The following TAF6L variants were observed in gnomAD, a reference collection of about 807,000 sequenced individuals.
TAF6L encodes the protein TAF6-like RNA polymerase II p300/CBP-associated factor-associated factor 65 kDa subunit 6L.
In TAF6L, 34 loss-of-function variants were observed where a neutral mutation model predicts 57.3. The observed-to-expected ratio is 0.59, with a 90% confidence interval of 0.45 to 0.79. The LOEUF (loss-of-function observed/expected upper bound fraction) is 0.79. TAF6L is among the 30% of genes least tolerant of loss of function. TAF6L has a pLI of 0.00. For missense variants in TAF6L, 782 were observed against 853.2 expected (o/e 0.92, Z 1.04); for synonymous variants, 417 against 376.3 (o/e 1.11, Z -1.25).
intron 5 of TAF6L, 164 bp from the exon 6 acceptor site, chr11:62,778,705 T>TCAGGGCTGAG (rs2084204963): frequency 1.5e-6 from 1 of 657,940 alleles, no homozygotes; most frequent in Non-Finnish European, 2.7e-6. Flanking sequence ...GCCTAGATGG[T>TCAGGGCTGAG]CAGGGCTGAG....
chr11:62,777,911 C>T (rs1304170099), intron 3 of TAF6L, 67 bp from the exon 4 acceptor site: 1 of 1,572,118 alleles, frequency 6.4e-7, no homozygotes, highest in Non-Finnish European at 8.7e-7. Context: ...AGTGGAGCCT[C>T]ATCCTGGATC....
chr11:62,787,058 G>A lies in TAF6L; in HGVS notation c.1631G>A (p.Arg544His), dbSNP rs970249120. The stretch of plus-strand genomic sequence containing the variant: ...CAGCAGGGCCCCGGGACCGGCACCC[G>A]CGACGTTTTCCAGAAGAGCCGTTTC... ...PRQQGPGTGT[R>H]DVFQKSRFAP... Residue 544 changes from arginine (R) to histidine (H), a missense_variant, in exon 11 of 11, where the codon CGC becomes CAC. This residue lies in a region of TAF6L where 483 missense variants were observed against 445.1 expected (regional missense o/e 1.09). Coordinates refer to ENST00000294168, the MANE Select transcript of TAF6L (RefSeq NM_006473.4). 1.1e-5 allele frequency: 17 copies of A among 1,524,664 alleles called. No homozygotes were observed. In the Admixed American group the frequency reaches 1.4e-4, roughly 12 times the overall value. The allele number at this position is 1,524,664 out of a possible 1,614,324, so 94.4% of individuals were successfully genotyped here. A position where few individuals can be genotyped will look rare whatever the true frequency, so the allele number is the denominator to read the frequency against.
Position 62,787,082 on chromosome 11 carries a change from T to TCGCCCCGCGCGG in TAF6L, c.1664_1675dup (p.Arg555_Pro558dup). On this transcript the variant is annotated inframe_insertion, in exon 11 of 11. Coordinates refer to ENST00000294168, the MANE Select transcript of TAF6L (RefSeq NM_006473.4). ...CGCGACGTTTTCCAGAAGAGCCGTT[T>TCGCCCCGCGCGG]CGCCCCGCGCGGCGCCCCGCACTTT... is the stretch of plus-strand genomic sequence containing the variant. 1 of 1,536,212 alleles carries TCGCCCCGCGCGG rather than the reference T, an allele frequency of 6.5e-7. No homozygotes were observed. The highest frequency in any genetic ancestry group is 1.7e-4 in the Middle Eastern group (1 of 5,836).
Position 62,775,881 on chromosome 11 carries a change from C to T in TAF6L, c.98C>T (p.Ala33Val), listed in dbSNP as rs752649490. 20 of 1,613,786 alleles carry T rather than the reference C, an allele frequency of 1.2e-5. No homozygotes were observed. Among genetic ancestry groups the T allele is most frequent in the Middle Eastern group, 1.6e-4 (1 of 6,080 alleles). ...GGCCTGGAGCTGAGCGATGAGGTGG[C>T]GGCGCTGCTCGCAGAGGACGTGTGC... is the stretch of plus-strand genomic sequence containing the variant. ...STGLELSDEV[A>V]ALLAEDVCYR... Residue 33 changes from alanine (A) to valine (V), a missense_variant, in exon 2 of 11, where the codon GCG becomes GTG. By Grantham distance (64) the Ala-to-Val change is moderately conservative. Coordinates refer to ENST00000294168, the MANE Select transcript of TAF6L (RefSeq NM_006473.4).
chr11:62,783,744 G>C (rs2084248169), intron 9 of TAF6L, among the ~76,000 whole-genome samples: 1 of 151,566 alleles, frequency 6.6e-6, no homozygotes, highest in Admixed American at 6.6e-5. Flanking sequence ...TGTTAGCCAG[G>C]CTGGTCTCAA....
At chr11:62,782,588 A>C in intron 8 of TAF6L, 105 bp from the exon 9 acceptor site, 5 of 1,505,380 alleles carry the variant, frequency 3.3e-6, no homozygotes, top group Non-Finnish European at 4.5e-6. Context: ...TAACCCCAGC[A>C]CTCCCGAGTG....
Position 62,787,290 on chromosome 11 carries a change from G to C in TAF6L, c.1863G>C (p.Pro621=). The change falls in exon 11 of 11, where the codon CCG becomes CCC. Residue 621 remains proline, a synonymous_variant. Transcript: ENST00000294168. ...TCTCGGACTACTCGCTGTACTTGCC[G>C]CTCTGAGTCAGTGGCCCCTTCGTTC... ...WALSDYSLYL[P]L The C allele has an allele frequency of 1.3e-6, 2 of 1,539,472 alleles. No individual in the cohort carries two copies. The highest frequency in any genetic ancestry group is 1.7e-6 in the Non-Finnish European group (2 of 1,150,310).
intron 6 of TAF6L, among the ~76,000 whole-genome samples, chr11:62,780,667 C>A (rs908056728): frequency 1.3e-5 from 2 of 152,102 alleles, no homozygotes; most frequent in African/African-American, 4.8e-5. Context: ...CGGTGGTTCA[C>A]GCCTGTAATC....
intron 6 of TAF6L, among the ~76,000 whole-genome samples, chr11:62,780,521 G>A (rs768775603): frequency 1.3e-5 from 2 of 151,608 alleles, no homozygotes; most frequent in African/African-American, 4.8e-5. Context: ...CAAAAAAAAA[G>A]ATCACGCTGC....
Position 62,776,404 on chromosome 11 carries a change from G to GCACACC in TAF6L, c.169_174dup (p.His57_Thr58dup). 6.2e-7 allele frequency: 1 copy of GCACACC among 1,613,656 alleles called. No homozygotes were observed. Among genetic ancestry groups the GCACACC allele is most frequent in the East Asian group, 2.2e-5 (1 of 44,866 alleles). ...CCCAGAATAGCTCTCAGTTCATGAA[G>GCACACC]CACACCAAACGCCGGAAGCTGACGG... is the stretch of plus-strand genomic sequence containing the variant. On this transcript the variant is annotated inframe_insertion, in exon 3 of 11. Transcript: ENST00000294168.
intron 9 of TAF6L, among the ~76,000 whole-genome samples, chr11:62,783,140 T>C (rs551695695): frequency 1.3e-5 from 2 of 152,368 alleles, no homozygotes; most frequent in African/African-American, 4.8e-5. Context: ...AATTTTGTCA[T>C]ACCTTTTTAG....
At chr11:62,771,868 C>T (rs1332522059) in intron 1 of TAF6L, 4 of 306,900 alleles carry the variant, frequency 1.3e-5, no homozygotes, top group South Asian at 2.6e-5. Flanking sequence ...ACTAAATGCT[C>T]CCATTTTACA....
chr11:62,786,775 GA>G lies in TAF6L; in HGVS notation c.1349del (p.Asp450AlafsTer39). ...CCGGGAGCTCTACGCCTTCTTCGGT[GA>G]CAGCTTGGCCACACGCTTTGGCACC... is the stretch of plus-strand genomic sequence containing the variant. ...IYRELYAFFG[D>X]SLATRFGTGQ... On this transcript the variant is annotated frameshift_variant, in exon 11 of 11. Coordinates refer to ENST00000294168, the MANE Select transcript of TAF6L (RefSeq NM_006473.4). LOFTEE classifies it high-confidence loss of function. The G allele has an allele frequency of 6.2e-7, 1 of 1,612,316 alleles. No homozygotes were observed. The highest frequency in any genetic ancestry group is 8.5e-7 in the Non-Finnish European group (1 of 1,179,862).
intron 1 of TAF6L, chr11:62,771,799 T>A (rs2084149851): frequency 1.2e-5 from 3 of 249,744 alleles, no homozygotes; most frequent in Non-Finnish European, 2.4e-5. Context: ...GGTCACAGTC[T>A]AGATTTCGTG....
chr11:62,775,208 G>T lies in TAF6L; in HGVS notation c.-13-563G>T, dbSNP rs997484782. On this transcript the variant is annotated intron_variant, in intron 1 of 10. Transcript: ENST00000294168. ...TTTCTTCATGTGGCTGCAGCTAGGA[G>T]AAGTGCCGAGCAAAAGGGGGAAAAG... 5.1e-4 allele frequency among the ~76,000 whole-genome samples: 77 copies of T among 152,186 alleles called. 3 individuals are homozygous for T. The highest frequency in any genetic ancestry group is 4.4e-5 in the Non-Finnish European group (3 of 68,036).
intron 10 of TAF6L, 38 bp from the exon 11 acceptor site, chr11:62,786,479 T>C: frequency 1.3e-6 from 2 of 1,579,660 alleles, no homozygotes; most frequent in Non-Finnish European, 1.7e-6. Flanking sequence ...CCCAGGTTCC[T>C]CGAATTTTTT....
chr11:62,787,304 G>T lies in TAF6L; in HGVS notation c.*8G>T, dbSNP rs1197102359. On this transcript the variant is annotated 3_prime_UTR_variant, in exon 11 of 11. Coordinates refer to ENST00000294168, the MANE Select transcript of TAF6L (RefSeq NM_006473.4). ...CTGTACTTGCCGCTCTGAGTCAGTG[G>T]CCCCTTCGTTCCTTGTAAATAAATC... is the stretch of plus-strand genomic sequence containing the variant. The T allele has an allele frequency of 1.2e-5, 18 of 1,533,668 alleles. No individual in the cohort carries two copies. The highest frequency in any genetic ancestry group is 1.4e-5 in the Non-Finnish European group (16 of 1,147,622).
Position 62,786,887 on chromosome 11 carries a change from A to G in TAF6L, c.1460A>G (p.Gln487Arg). ...CCGGACTCGGTGCGGAAGATGCCGC[A>G]GCTGACGGCAAGCGCCATAGTCAGC... Reference protein sequence around the residue: ...AAPDSVRKMPQLTASAIVSPH... With the variant: ...AAPDSVRKMPRLTASAIVSPH... The change falls in exon 11 of 11, where the codon CAG (glutamine) becomes CGG (arginine). Residue 487 changes from glutamine (Q) to arginine (R), a missense_variant. This residue lies in a region of TAF6L where 483 missense variants were observed against 445.1 expected (regional missense o/e 1.09). Coordinates refer to ENST00000294168, the MANE Select transcript of TAF6L (RefSeq NM_006473.4). 1.9e-6 allele frequency: 3 copies of G among 1,561,550 alleles called. No individual in the cohort carries two copies. Among genetic ancestry groups the G allele is most frequent in the Non-Finnish European group, 2.6e-6 (3 of 1,162,744 alleles).
chr11:62,784,133 G>A (rs1295104343), intron 9 of TAF6L, among the ~76,000 whole-genome samples: 3 of 145,214 alleles, frequency 2.1e-5, no homozygotes, highest in Non-Finnish European at 3.0e-5. Context: ...GGACTTACAG[G>A]CACGCACCAC....
Sources: allele counts gnomAD v4.1 joint callset (sites outside exome capture counted in the v4.1 genomes callset), GRCh38; gene constraint gnomAD v4.1.1; regional missense constraint gnomAD v4.1.1; transcripts MANE v1.5; gene names NCBI Gene and HGNC (gene_info 2026-07-23, HGNC 2026-07-21).